NXPE2: variants seen among roughly 807,000 people sequenced by gnomAD.
The protein encoded by NXPE2 is neurexophilin and PC-esterase domain family member 2.
NXPE2 carries 34 observed loss-of-function variants against 34.4 expected under a neutral mutation model. The observed-to-expected ratio is 0.99, with a 90% CI of 0.75 to 1.31. NXPE2 has a LOEUF of 1.31. Among genes scored for constraint, NXPE2 ranks in the 40% most tolerant of loss-of-function variants. The probability of loss-of-function intolerance (pLI) is 0.00; values close to 1 mark genes in which losing one functional copy is unlikely to be tolerated. For missense variants in NXPE2, 649 were observed against 672.5 expected (o/e 0.97, Z 0.39); for synonymous variants, 235 against 231.3 (o/e 1.02, Z -0.15).
the NXPE2 span, among the ~76,000 whole-genome samples, chr11:114,748,504 C>G: frequency 4.6e-5 from 7 of 152,306 alleles, no homozygotes; most frequent in East Asian, 1.3e-3. Context: ...CTCACTCTGG[C>G]CCAATTCTCA....
At chr11:114,569,039 G>A in the NXPE2 span, among the ~76,000 whole-genome samples, 31,639 of 151,912 alleles carry the variant, frequency 0.21, 4,357 homozygotes, top group African/African-American at 0.38. Context: ...TGTGATTATT[G>A]GCAAATAAAT....
the NXPE2 span, among the ~76,000 whole-genome samples, chr11:114,568,124 A>T: frequency 7.9e-5 from 12 of 152,168 alleles, no homozygotes; most frequent in Non-Finnish European, 1.5e-5. Flanking sequence ...TATCATTCTG[A>T]ATGTATCTTT....
At chr11:114,695,992 TG>T (rs1951244979) in intron 2 of NXPE2, among the ~76,000 whole-genome samples, 1 of 151,674 alleles carries the variant, frequency 6.6e-6, no homozygotes, top group Non-Finnish European at 1.5e-5. Context: ...CACTCCAGCC[TG>T]GGTGACACAG....
At chr11:114,622,096 C>T in the NXPE2 span, among the ~76,000 whole-genome samples, 1 of 151,932 alleles carries the variant, frequency 6.6e-6, no homozygotes, top group African/African-American at 2.4e-5. Flanking sequence ...ATAAGTACTG[C>T]CTCATCAGTA....
intron 3 of NXPE2, among the ~76,000 whole-genome samples, chr11:114,703,667 T>C (rs185315585): frequency 2.9e-4 from 6 of 20,498 alleles, no homozygotes; most frequent in Admixed American, 1.3e-3. Flanking sequence ...GATAGATAGA[T>C]AGATAGATAG....
chr11:114,693,087 C>A (rs1230128443), intron 2 of NXPE2, among the ~76,000 whole-genome samples: 5 of 152,216 alleles, frequency 3.3e-5, no homozygotes, highest in Non-Finnish European at 7.3e-5. Context: ...TCATTATATA[C>A]CGAATCTTAT....
chr11:114,777,732 A>G, the NXPE2 span, among the ~76,000 whole-genome samples: 2 of 152,186 alleles, frequency 1.3e-5, no homozygotes, highest in Admixed American at 1.3e-4. Flanking sequence ...AGTGATGAAA[A>G]GCAGGACTCA....
the NXPE2 span, among the ~76,000 whole-genome samples, chr11:114,524,578 G>A: frequency 6.6e-6 from 1 of 152,074 alleles, no homozygotes; most frequent in African/African-American, 2.4e-5. Context: ...ATATTGATGG[G>A]TTTCTATGAG....
chr11:114,789,631 G>A, the NXPE2 span, among the ~76,000 whole-genome samples: 132 of 152,286 alleles, frequency 8.7e-4, no homozygotes, highest in Non-Finnish European at 1.4e-3. Context: ...GTGGTACAAT[G>A]GGGCAGTGGG....
the NXPE2 span, among the ~76,000 whole-genome samples, chr11:114,633,072 T>C: frequency 8.4e-6 from 1 of 118,752 alleles, no homozygotes; most frequent in Non-Finnish European, 1.6e-5. Flanking sequence ...ATTTTGTTTT[T>C]TATAATTTAT....
the NXPE2 span, among the ~76,000 whole-genome samples, chr11:114,561,697 A>G: frequency 6.6e-6 from 1 of 152,344 alleles, no homozygotes; most frequent in Non-Finnish European, 1.5e-5. Context: ...CAAAGTTAGT[A>G]TAATTGTGAA....
At chr11:114,645,815 C>T in the NXPE2 span, among the ~76,000 whole-genome samples, 1 of 152,096 alleles carries the variant, frequency 6.6e-6, no homozygotes, top group Admixed American at 6.5e-5. Context: ...ATCACAGTGA[C>T]AGATGTCATG....
At chr11:114,552,552 G>A in the NXPE2 span, among the ~76,000 whole-genome samples, 16 of 151,220 alleles carry the variant, frequency 1.1e-4, no homozygotes, top group East Asian at 7.8e-4. Context: ...ATATTTTCTC[G>A]GAATGTACAA....
At chr11:114,628,815 C>T in the NXPE2 span, among the ~76,000 whole-genome samples, 58 of 151,524 alleles carry the variant, frequency 3.8e-4, no homozygotes, top group South Asian at 4.2e-4. Flanking sequence ...ATCAAATAGA[C>T]GCAATAAAAA....
chr11:114,577,115 A>G, the NXPE2 span, among the ~76,000 whole-genome samples: 1 of 142,438 alleles, frequency 7.0e-6, no homozygotes, highest in South Asian at 2.2e-4. Context: ...ATATATACAC[A>G]TATATATAAA....
chr11:114,805,658 C>A, the NXPE2 span, among the ~76,000 whole-genome samples: 1 of 152,220 alleles, frequency 6.6e-6, no homozygotes, highest in South Asian at 2.1e-4. Context: ...CCTGCCATTG[C>A]CGAGTTAGTT....
At chr11:114,515,026 T>C in the NXPE2 span, among the ~76,000 whole-genome samples, 1 of 152,122 alleles carries the variant, frequency 6.6e-6, no homozygotes, top group African/African-American at 2.4e-5. Flanking sequence ...ATTTCTGTAT[T>C]GTCATAGTAT....
At chr11:114,623,029 CCT>C in the NXPE2 span, among the ~76,000 whole-genome samples, 2 of 150,498 alleles carry the variant, frequency 1.3e-5, no homozygotes, top group Admixed American at 6.6e-5. Context: ...GCGGGAAACC[CCT>C]GTTACCCGGT....
chr11:114,810,619 A>C, the NXPE2 span, among the ~76,000 whole-genome samples: 33 of 152,008 alleles, frequency 2.2e-4, no homozygotes, highest in African/African-American at 8.0e-4. Flanking sequence ...AGAGAAATGC[A>C]AATCAAAACC....
Sources: gnomAD v4.1 joint callset for allele counts (sites outside exome capture counted in the v4.1 genomes callset) on GRCh38, gnomAD v4.1.1 for gene constraint, MANE v1.5 for transcripts, NCBI Gene and HGNC (gene_info 2026-07-23, HGNC 2026-07-21) for gene names.